The following SGMS1 variants were observed in gnomAD, a reference collection of about 807,000 sequenced individuals.
SGMS1 encodes the protein sphingomyelin synthase 1, also known as phosphatidylcholine:ceramide cholinephosphotransferase 1.
A neutral mutation model predicts 46.2 loss-of-function variants in SGMS1; 13 were observed. The ratio of observed to expected loss-of-function variants is 0.28; its 90% confidence interval spans 0.18 to 0.45. The LOEUF is 0.45. Ranked by LOEUF, SGMS1 falls within the 20% of genes least tolerant of loss-of-function variation. The pLI, the probability that SGMS1 is intolerant of heterozygous loss-of-function variation, is 1.00. For missense variants in SGMS1, 324 were observed against 519.9 expected (o/e 0.62, Z 3.66); for synonymous variants, 203 against 187.8 (o/e 1.08, Z -0.66).
intron 2 of SGMS1, among the ~76,000 whole-genome samples, chr10:50,589,404 G>C (rs535056888): frequency 6.6e-6 from 1 of 152,240 alleles, no homozygotes; most frequent in African/African-American, 2.4e-5. Context: ...TAGGACTACA[G>C]GCATGTGCCA....
At chr10:50,536,349 A>T (rs1309395629) in intron 2 of SGMS1, among the ~76,000 whole-genome samples, 1 of 152,152 alleles carries the variant, frequency 6.6e-6, no homozygotes, top group Admixed American at 6.5e-5. Flanking sequence ...ACAAACAAAC[A>T]AACAAAAAAA....
At chr10:50,454,176 C>T (rs907189250) in intron 5 of SGMS1, among the ~76,000 whole-genome samples, 1 of 151,322 alleles carries the variant, frequency 6.6e-6, no homozygotes, top group Non-Finnish European at 1.5e-5. Flanking sequence ...TGGGTAAAAG[C>T]AGGGATATGG....
intron 6 of SGMS1, among the ~76,000 whole-genome samples, chr10:50,377,949 G>A (rs1848543611): frequency 6.6e-6 from 1 of 152,030 alleles, no homozygotes; most frequent in Non-Finnish European, 1.5e-5. Flanking sequence ...ATTGCATTTA[G>A]GGCTTACCTG....
chr10:50,593,348 C>T (rs1162690506), intron 1 of SGMS1, among the ~76,000 whole-genome samples: 1 of 152,180 alleles, frequency 6.6e-6, no homozygotes, highest in Non-Finnish European at 1.5e-5. Flanking sequence ...CTGGCCTACT[C>T]ATGGAATCTA....
intron 2 of SGMS1, among the ~76,000 whole-genome samples, chr10:50,559,240 T>C (rs1375781933): frequency 1.3e-5 from 2 of 152,216 alleles, no homozygotes; most frequent in Non-Finnish European, 2.9e-5. Context: ...AATCTTTTAC[T>C]TCAACTACTT....
intron 2 of SGMS1, among the ~76,000 whole-genome samples, chr10:50,562,081 A>G (rs1283732163): frequency 6.6e-6 from 1 of 152,154 alleles, no homozygotes; most frequent in Non-Finnish European, 1.5e-5. Flanking sequence ...TTTTTCTCAA[A>G]TCAGCAAATA....
intron 2 of SGMS1, among the ~76,000 whole-genome samples, chr10:50,542,787 A>AT (rs1173844862): frequency 7.2e-6 from 1 of 139,732 alleles, no homozygotes; most frequent in Non-Finnish European, 1.5e-5. Flanking sequence ...TTATTGTTTA[A>AT]TTTTTTCATT....
intron 6 of SGMS1, among the ~76,000 whole-genome samples, chr10:50,394,959 A>T (rs560828746): frequency 3.9e-5 from 6 of 152,344 alleles, no homozygotes; most frequent in African/African-American, 1.4e-4. Flanking sequence ...CATCATATAC[A>T]GAATAATTTC....
At chr10:50,345,807 G>T (rs368929175) in intron 6 of SGMS1, among the ~76,000 whole-genome samples, 23 of 152,128 alleles carry the variant, frequency 1.5e-4, no homozygotes, top group African/African-American at 5.3e-4. Context: ...AACGCTTCTG[G>T]TCCCAAGCAT....
chr10:50,598,522 G>C (rs891062426), intron 1 of SGMS1, among the ~76,000 whole-genome samples: 4 of 152,130 alleles, frequency 2.6e-5, no homozygotes, highest in Non-Finnish European at 5.9e-5. Context: ...AGAAATAACT[G>C]ATGGGTCTTG....
intron 2 of SGMS1, among the ~76,000 whole-genome samples, chr10:50,538,987 G>A (rs1210860711): frequency 2.0e-5 from 3 of 152,242 alleles, no homozygotes; most frequent in African/African-American, 7.2e-5. Context: ...AACTCGGTGA[G>A]CAGCACATCC....
chr10:50,529,537 C>T (rs778457399), intron 2 of SGMS1, among the ~76,000 whole-genome samples: 61 of 152,212 alleles, frequency 4.0e-4, no homozygotes, highest in African/African-American at 1.4e-3. Flanking sequence ...AGTCAGAAAA[C>T]GTGGAATTAC....
At chr10:50,363,643 T>G (rs1447705904) in intron 6 of SGMS1, among the ~76,000 whole-genome samples, 1 of 152,146 alleles carries the variant, frequency 6.6e-6, no homozygotes, top group Non-Finnish European at 1.5e-5. Context: ...GCAAAAAGAT[T>G]AAGTAGGATC....
chr10:50,485,868 C>T (rs1837517056), intron 3 of SGMS1, among the ~76,000 whole-genome samples: 1 of 152,142 alleles, frequency 6.6e-6, no homozygotes, highest in South Asian at 2.1e-4. Context: ...CTACTGCATT[C>T]CAGCCTGGGC....
In SGMS1 at chr10:50,472,470, ATGT is replaced by A. The variant is rs548510139; in HGVS notation, c.-497-5541_-497-5539del. ...AACATAATGTCCTCCAGGTTCATCC[ATGT>A]TGTTGCAAATGACAGAATTATCTCT... On this transcript the variant is annotated intron_variant, in intron 3 of 10. Transcript: ENST00000361781. Among the ~76,000 whole-genome samples, 117 of 152,272 alleles carry A rather than the reference ATGT, an allele frequency of 7.7e-4. 2 individuals carry two copies. Among genetic ancestry groups the A allele is most frequent in the African/African-American group, 2.7e-3 (111 of 41,566 alleles).
At chr10:50,573,211 A>G (rs556389031) in intron 2 of SGMS1, among the ~76,000 whole-genome samples, 2 of 152,320 alleles carry the variant, frequency 1.3e-5, no homozygotes, top group African/African-American at 4.8e-5. Flanking sequence ...CTTCTATTCA[A>G]TATGGTACGA....
chr10:50,604,558 C>A (rs1297805844), intron 1 of SGMS1, among the ~76,000 whole-genome samples: 1 of 152,306 alleles, frequency 6.6e-6, no homozygotes, highest in South Asian at 2.1e-4. Context: ...AGACACATTT[C>A]TTTGATTACA....
chr10:50,595,466 C>G (rs760621805), intron 1 of SGMS1, among the ~76,000 whole-genome samples: 3 of 152,194 alleles, frequency 2.0e-5, no homozygotes, highest in Non-Finnish European at 4.4e-5. Flanking sequence ...CATGAGCCAC[C>G]ATGCCCAGCC....
intron 3 of SGMS1, among the ~76,000 whole-genome samples, chr10:50,492,610 C>G (rs146516523): frequency 3.4e-4 from 51 of 152,146 alleles, no homozygotes; most frequent in African/African-American, 1.2e-3. Context: ...GGTGAAAGAC[C>G]TCTACAAAGA....
Sources: allele counts gnomAD v4.1 joint callset (sites outside exome capture counted in the v4.1 genomes callset), GRCh38; gene constraint gnomAD v4.1.1; transcripts MANE v1.5; gene names NCBI Gene and HGNC (gene_info 2026-07-23, HGNC 2026-07-21).